Variants in MYPN observed in about 807,000 individuals in gnomAD.
MYPN encodes sarcomeric protein myopalladin, 145 kDa (MYOP).
In MYPN, 63 loss-of-function variants were observed where a neutral mutation model predicts 129.4. That is an observed-to-expected ratio of 0.49 (90% CI 0.40 to 0.60). The LOEUF is 0.60. Ranked by LOEUF, MYPN falls within the 20% of genes least tolerant of loss-of-function variation. MYPN has a pLI of 0.00. For synonymous variants in MYPN, 629 were observed against 600.9 expected, an observed-to-expected ratio of 1.05 and a Z score of -0.68; for missense variants, 1,596 against 1,635.4, an observed-to-expected ratio of 0.98 and a Z score of 0.42.
At chr10:68,094,534 T>C (rs923198793) in intron 1 of MYPN, among the ~76,000 whole-genome samples, 4 of 152,072 alleles carry the variant, frequency 2.6e-5, no homozygotes, top group African/African-American at 9.7e-5. Flanking sequence ...AGCGCTGGGA[T>C]TACAAGCGTG....
intron 1 of MYPN, among the ~76,000 whole-genome samples, chr10:68,092,128 G>A (rs1213774281): frequency 1.3e-5 from 2 of 152,074 alleles, no homozygotes; most frequent in East Asian, 3.9e-4. Flanking sequence ...AAAAAATAAA[G>A]TGCAGTCATA....
intron 13 of MYPN, among the ~76,000 whole-genome samples, chr10:68,191,557 G>C (rs566705243): frequency 6.8e-4 from 103 of 152,226 alleles, no homozygotes; most frequent in Non-Finnish European, 1.1e-3. Context: ...TTGTTGTTTT[G>C]ATAGGGATTG....
chr10:68,103,422 C>G (rs1471174672), upstream of MYPN, among the ~76,000 whole-genome samples: 2 of 152,142 alleles, frequency 1.3e-5, no homozygotes, highest in Non-Finnish European at 2.9e-5. Flanking sequence ...GAAAATAGCC[C>G]TAGAGCTTAG....
chr10:68,159,975 G>A (rs752053187), intron 7 of MYPN, among the ~76,000 whole-genome samples: 5 of 152,196 alleles, frequency 3.3e-5, no homozygotes, highest in Non-Finnish European at 5.9e-5. Context: ...ATTTTTTGTG[G>A]TGAGTTATTT....
intron 1 of MYPN, among the ~76,000 whole-genome samples, chr10:68,099,372 T>C (rs1045365571): frequency 6.6e-6 from 1 of 152,190 alleles, no homozygotes; most frequent in Non-Finnish European, 1.5e-5. Context: ...GTTGTTTTTA[T>C]TGGCATGTAA....
upstream of MYPN, among the ~76,000 whole-genome samples, chr10:68,102,921 T>C (rs2041988922): frequency 6.6e-6 from 1 of 152,220 alleles, no homozygotes; most frequent in Non-Finnish European, 1.5e-5. Flanking sequence ...CATTTCGAAC[T>C]GAAGCTCACT....
Position 68,174,500 on chromosome 10 carries a change from G to T in MYPN, c.2408G>T (p.Ser803Ile), listed in dbSNP as rs1161613245. Reference protein sequence around the residue: ...TPPPFTFSIPSGNQFQPRCVS... With the variant: ...TPPPFTFSIPIGNQFQPRCVS... ...CCACCATTCACATTTTCCATCCCCA[G>T]CGGAAACCAGTTTCAGCCCCGCTGT... is the stretch of plus-strand genomic sequence containing the variant. Residue 803 changes from serine (S) to isoleucine (I), a missense_variant, in exon 11 of 20, where the codon AGC becomes ATC. Coordinates refer to ENST00000358913, the MANE Select transcript of MYPN (RefSeq NM_032578.4). The T allele has an allele frequency of 6.2e-7, 1 of 1,613,884 alleles. No homozygotes were observed. Among genetic ancestry groups the T allele is most frequent in the East Asian group, 2.2e-5 (1 of 44,870 alleles).
At chr10:68,185,139 A>G (rs1323281560) in intron 12 of MYPN, among the ~76,000 whole-genome samples, 1 of 146,106 alleles carries the variant, frequency 6.8e-6, no homozygotes, top group Non-Finnish European at 1.5e-5. Flanking sequence ...ACCCCGTCAG[A>G]AAGAAGGAGG....
At chr10:68,089,414 T>A (rs969287145) in intron 1 of MYPN, among the ~76,000 whole-genome samples, 14 of 152,164 alleles carry the variant, frequency 9.2e-5, no homozygotes, top group African/African-American at 2.9e-4. Context: ...CGATCTCGGC[T>A]CACTGCAAGC....
Position 68,165,713 on chromosome 10 carries a change from A to T in MYPN, c.1495A>T (p.Thr499Ser). The part of the protein sequence containing the change: ...RSMAEPEEIC[T>S]LVIAEVFAED... ...TCACTGGCATATAGAGGAGATTTGC[A>T]CCTTGGTCATTGCTGAGGTGTTTGC... The change falls in exon 9 of 20, where the codon ACC becomes TCC. Residue 499 changes from threonine to serine, a missense_variant. Transcript: ENST00000358913. 6.2e-7 allele frequency: 1 copy of T among 1,614,034 alleles called. No homozygotes were observed. Among genetic ancestry groups the T allele is most frequent in the Non-Finnish European group, 8.5e-7 (1 of 1,179,886 alleles).
chr10:68,134,667 C>G (rs1032340333), intron 2 of MYPN, among the ~76,000 whole-genome samples: 1 of 152,024 alleles, frequency 6.6e-6, no homozygotes, highest in African/African-American at 2.4e-5. Context: ...TGTTGGTGTG[C>G]TCCTGTAGTC....
chr10:68,160,170 G>C (rs2042949504), intron 7 of MYPN, among the ~76,000 whole-genome samples: 1 of 152,000 alleles, frequency 6.6e-6, no homozygotes. Context: ...GACTTTGGGA[G>C]GCCAGGCCAA....
intron 17 of MYPN, 105 bp downstream of exon 17, chr10:68,199,680 C>A: frequency 8.8e-7 from 1 of 1,131,318 alleles, no homozygotes; most frequent in African/African-American, 1.5e-5. Context: ...CTACTAACTC[C>A]AATCTCAATT....
chr10:68,197,556 G>A, intron 16 of MYPN, 78 bp downstream of exon 16: 1 of 1,550,718 alleles, frequency 6.4e-7, no homozygotes, highest in African/African-American at 1.4e-5. Flanking sequence ...ATTTGTATTT[G>A]TTTTGTGGGT....
At chr10:68,164,917 A>G (rs1395702239) in intron 8 of MYPN, among the ~76,000 whole-genome samples, 1 of 152,238 alleles carries the variant, frequency 6.6e-6, no homozygotes, top group Non-Finnish European at 1.5e-5. Context: ...TTTGTTGTCC[A>G]ATTTTAAATT....
intron 12 of MYPN, among the ~76,000 whole-genome samples, chr10:68,183,453 C>T (rs10997994): frequency 0.013 from 1,987 of 151,536 alleles, 50 homozygotes; most frequent in African/African-American, 0.046. Context: ...TAGAGCCAGA[C>T]CTTGTCTCAA....
rs75879965 is a variant in MYPN at position 68,113,729 on chromosome 10, A to T, written c.-2+4006A>T. 7.4e-3 allele frequency among the ~76,000 whole-genome samples: 1,134 copies of T among 152,236 alleles called. 72 individuals carry two copies. In the South Asian group the frequency reaches 0.11, roughly 14 times the overall value. ...AAAAAAAGACACATTTAAAAAAATA[A>T]TAAATTCGTTTTTTTCAGCTTTATG... On this transcript the variant is annotated intron_variant, in intron 1 of 19. Transcript: ENST00000358913.
chr10:68,207,862 A>G (rs536578373), intron 19 of MYPN, among the ~76,000 whole-genome samples: 1 of 67,686 alleles, frequency 1.5e-5, no homozygotes, highest in African/African-American at 5.5e-5. Context: ...AGCCCACCCC[A>G]CCCTCCCTGT....
At position 68,090,770 on chromosome 10, in the gene MYPN, C is replaced by T. The variant is rs150078250; in HGVS notation, c.-2+2778C>T. Among the ~76,000 whole-genome samples, 66 of 152,272 alleles carry T rather than the reference C, an allele frequency of 4.3e-4. 1 individual carries two copies. Among genetic ancestry groups the T allele is most frequent in the African/African-American group, 1.6e-3 (66 of 41,540 alleles). ...AGACATACCTGCCCTGTGTTTATTT[C>T]ATGCTAAAGGTGACACATTGAATTA... On this transcript the variant is annotated intron_variant, in intron 1 of 6. Transcript: ENST00000685154.
Sources: allele counts gnomAD v4.1 joint callset (sites outside exome capture counted in the v4.1 genomes callset), GRCh38; gene constraint gnomAD v4.1.1; transcripts MANE v1.5; gene names NCBI Gene and HGNC (gene_info 2026-07-23, HGNC 2026-07-21).